Variants in YKT6 observed in about 807,000 individuals in gnomAD.
YKT6 encodes the protein synaptobrevin homolog YKT6.
A neutral mutation model predicts 29.3 loss-of-function variants in YKT6; 12 were observed. That is an observed-to-expected ratio of 0.41 (90% CI 0.26 to 0.66). The LOEUF (loss-of-function observed/expected upper bound fraction) is 0.66. Among genes scored for constraint, YKT6 ranks in the 30% least tolerant of loss-of-function variants. YKT6 has a pLI of 0.32. For synonymous variants in YKT6, 86 were observed against 94.3 expected, an observed-to-expected ratio of 0.91 and a Z score of 0.51; for missense variants, 188 against 243.8, an observed-to-expected ratio of 0.77 and a Z score of 1.52.
rs376812562 is a variant in YKT6, at chr7:44,206,496, T to G, written c.288+11T>G. ...ACCTTGCTGGAGAAGGTGAGTTTTT[T>G]ATTTGCCTCTCCTGGACTTGGATGA... On this transcript the variant is annotated intron_variant, in intron 3 of 6. Transcript: ENST00000223369. 1.2e-4 allele frequency: 199 copies of G among 1,611,604 alleles called. 1 individual carries two copies. In the African/African-American group the frequency reaches 2.2e-3, roughly 18 times the overall value.
In YKT6 at chr7:44,212,535, CCGACTGGCTTCTGTAGAT is replaced by C. The variant is rs1200195642; in HGVS notation, c.*254_*271del. The C allele has an allele frequency of 2.0e-6, 1 of 491,036 alleles. No individual in the cohort carries two copies. The highest frequency in any genetic ancestry group is 3.6e-6 in the Non-Finnish European group (1 of 278,356). 30.4% of individuals were successfully genotyped at this position (491,036 alleles called of 1,614,324 possible). On this transcript the variant is annotated 3_prime_UTR_variant, in exon 7 of 7. Transcript: ENST00000223369. ...TTTTGGGCAAATGAAACCATAAACT[CCGACTGGCTTCTGTAGAT>C]GCCAAAGGGCTCTTTTTCAGCTAAC... is the stretch of plus-strand genomic sequence containing the variant.
intron 4 of YKT6, among the ~76,000 whole-genome samples, 155 bp from the exon 5 acceptor site, chr7:44,207,978 C>G (rs546521449): frequency 2.0e-5 from 3 of 152,320 alleles, no homozygotes; most frequent in African/African-American, 7.2e-5. Context: ...CCCGCCTCAT[C>G]CTCCCAAAAT....
rs768494178 is a variant in YKT6 at position 44,212,321 on chromosome 7, C to T, written c.*39C>T. The T allele has an allele frequency of 6.2e-7, 1 of 1,612,034 alleles. No individual in the cohort carries two copies. The highest frequency in any genetic ancestry group is 1.3e-5 in the African/African-American group (1 of 75,050). On this transcript the variant is annotated 3_prime_UTR_variant, in exon 7 of 7. Transcript: ENST00000223369. ...AGGCCCAATGCTGGAATGGCACCAT[C>T]ATTCACATCAGAACTGCAGCCCCTG...
At chr7:44,208,380 T>C (rs947935821) in intron 5 of YKT6, 182 bp downstream of exon 5, 14 of 598,640 alleles carry the variant, frequency 2.3e-5, no homozygotes, top group Non-Finnish European at 3.8e-5. Context: ...TACCCTTCTC[T>C]TGGTTAATGG....
At chr7:44,201,955 C>A (rs2096336184) in intron 1 of YKT6, among the ~76,000 whole-genome samples, 1 of 152,186 alleles carries the variant, frequency 6.6e-6, no homozygotes, top group Non-Finnish European at 1.5e-5. Flanking sequence ...AGCATGGGAT[C>A]TGTAGGGCTT....
Position 44,204,559 on chromosome 7 carries a change from G to T in YKT6, c.105-9G>T. On this transcript the variant is annotated splice_polypyrimidine_tract_variant and intron_variant, in intron 1 of 6. Transcript: ENST00000223369. Reference sequence around the variant, plus strand: ...GAAGTAGGCAATAAATACATTTTGTGTTTCTTAGCGTTCAGGAATTCATGA... The same window carrying T: ...GAAGTAGGCAATAAATACATTTTGTTTTTCTTAGCGTTCAGGAATTCATGA... 1.2e-6 allele frequency: 2 copies of T among 1,614,090 alleles called. No homozygotes were observed. Among genetic ancestry groups the T allele is most frequent in the Non-Finnish European group, 1.7e-6 (2 of 1,179,952 alleles).
chr7:44,202,738 A>G (rs550896873), intron 1 of YKT6, among the ~76,000 whole-genome samples: 9 of 152,326 alleles, frequency 5.9e-5, no homozygotes, highest in Admixed American at 4.6e-4. Context: ...GGATGTACAA[A>G]TATCTCTTCA....
chr7:44,211,356 C>T (rs2096346699), intron 6 of YKT6, among the ~76,000 whole-genome samples: 1 of 152,210 alleles, frequency 6.6e-6, no homozygotes, highest in Non-Finnish European at 1.5e-5. Context: ...TCCACTCCTG[C>T]CTCTGCTCTG....
chr7:44,201,365 C>A, intron 1 of YKT6, 126 bp downstream of exon 1: 3 of 174,492 alleles, frequency 1.7e-5, no homozygotes, highest in South Asian at 1.1e-4. Flanking sequence ...AGGGTAGGGG[C>A]AGGGCGGGGT....
At chr7:44,205,284 C>T (rs1009013479) in intron 2 of YKT6, among the ~76,000 whole-genome samples, 2 of 152,212 alleles carry the variant, frequency 1.3e-5, no homozygotes, top group Non-Finnish European at 2.9e-5. Context: ...GAAGTGAAAT[C>T]GCATCACAAA....
intron 4 of YKT6, 37 bp from the exon 5 acceptor site, chr7:44,208,096 T>A: frequency 6.2e-7 from 1 of 1,608,234 alleles, no homozygotes; most frequent in Non-Finnish European, 8.5e-7. Flanking sequence ...AGGTAGCCAC[T>A]CCAGTCCTGA....
rs2096348018 is a variant in YKT6, at chr7:44,212,568, T to G, written c.*286T>G. The G allele has an allele frequency of 2.4e-6, 1 of 425,182 alleles. No individual in the cohort carries two copies. The highest frequency in any genetic ancestry group is 4.2e-6 in the Non-Finnish European group (1 of 239,028). 26.3% of individuals were successfully genotyped at this position (425,182 alleles called of 1,614,324 possible). ...CTTCTGTAGATGCCAAAGGGCTCTT[T>G]TTCAGCTAACCCTGGGAAGGCTCTG... On this transcript the variant is annotated 3_prime_UTR_variant, in exon 7 of 7. Coordinates refer to ENST00000223369, the MANE Select transcript of YKT6 (RefSeq NM_006555.4).
chr7:44,212,439 G>A lies in YKT6; in HGVS notation c.*157G>A, dbSNP rs1353566345. ...TCCTGCGAGAAATGGATGGTGGAAGGGTGGCGAATGTTCAAATTCATATGT... is the reference window on the plus strand; with the variant it reads ...TCCTGCGAGAAATGGATGGTGGAAGAGTGGCGAATGTTCAAATTCATATGT... On this transcript the variant is annotated 3_prime_UTR_variant, in exon 7 of 7. Transcript: ENST00000223369. The A allele has an allele frequency of 1.1e-6, 1 of 902,538 alleles. No individual in the cohort carries two copies. The highest frequency in any genetic ancestry group is 2.3e-5 in the Admixed American group (1 of 43,030). 55.9% of individuals were successfully genotyped at this position (902,538 alleles called of 1,614,324 possible). A position where few individuals can be genotyped will look rare whatever the true frequency, so the allele number is the denominator to read the frequency against.
In YKT6 at chr7:44,213,736, G is replaced by GTGGGCAGGGGC. The variant is rs1554343494; in HGVS notation, c.*1463_*1473dup. 1 of 152,334 alleles carries GTGGGCAGGGGC rather than the reference G, an allele frequency of 6.6e-6. No individual in the cohort carries two copies. Among genetic ancestry groups the GTGGGCAGGGGC allele is most frequent in the Admixed American group, 6.5e-5 (1 of 15,282 alleles). 9.4% of individuals were successfully genotyped at this position (152,334 alleles called of 1,614,324 possible). A position where few individuals can be genotyped will look rare whatever the true frequency, so the allele number is the denominator to read the frequency against. ...AGTCTCAGTGGTCCTGACCCCCAAT[G>GTGGGCAGGGGC]TGGGCAGGGGCTGGGCAGGAGGGTG... On this transcript the variant is annotated 3_prime_UTR_variant, in exon 7 of 7. Coordinates refer to ENST00000223369, the MANE Select transcript of YKT6 (RefSeq NM_006555.4).
At chr7:44,203,810 C>T (rs544741577) in intron 1 of YKT6, among the ~76,000 whole-genome samples, 1 of 152,292 alleles carries the variant, frequency 6.6e-6, no homozygotes, top group South Asian at 2.1e-4. Flanking sequence ...TGCAGACTCC[C>T]ATTTGAGCAC....
chr7:44,203,254 C>G (rs1026814870), intron 1 of YKT6, among the ~76,000 whole-genome samples: 1 of 152,064 alleles, frequency 6.6e-6, no homozygotes, highest in South Asian at 2.1e-4. Flanking sequence ...CCACCACACC[C>G]GGCTAATTTT....
chr7:44,211,140 C>G lies in YKT6; in HGVS notation c.561+16C>G. 1 of 1,608,688 alleles carries G rather than the reference C, an allele frequency of 6.2e-7. No homozygotes were observed. On this transcript the variant is annotated intron_variant, in intron 6 of 6. Transcript: ENST00000223369. The stretch of plus-strand genomic sequence containing the variant: ...CTATAAAACTGTGAGTACCCAGCAC[C>G]TGCTGCCTCCTGGGTGTTCTCTCTA...
intron 5 of YKT6, chr7:44,208,666 G>T (rs77354327): frequency 0.049 from 7,574 of 154,246 alleles, 221 homozygotes; most frequent in Non-Finnish European, 0.064. Context: ...TGTCACATAG[G>T]CCCCTTTGAA....
At chr7:44,207,549 G>T in intron 4 of YKT6, 57 bp downstream of exon 4, 1 of 1,512,286 alleles carries the variant, frequency 6.6e-7, no homozygotes, top group South Asian at 1.1e-5. Context: ...ATGTGAAACT[G>T]AAAAAGCCAA....
Sources: allele counts gnomAD v4.1 joint callset (sites outside exome capture counted in the v4.1 genomes callset), GRCh38; gene constraint gnomAD v4.1.1; transcripts MANE v1.5; gene names NCBI Gene and HGNC (gene_info 2026-07-23, HGNC 2026-07-21).